Variants in DCTN6 observed in about 807,000 individuals in gnomAD.
DCTN6 encodes the protein dynactin subunit 6, also known as dynactin 6.
A neutral mutation model predicts 25.8 loss-of-function variants in DCTN6; 15 were observed. The ratio of observed to expected loss-of-function variants is 0.58; its 90% CI spans 0.39 to 0.89. DCTN6 has a LOEUF of 0.89. DCTN6 is among the 40% of genes least tolerant of loss of function. The pLI is 0.00. For missense variants in DCTN6, 198 were observed against 237.6 expected (o/e 0.83, Z 1.09); for synonymous variants, 64 against 78.3 (o/e 0.82, Z 0.96).
intron 1 of DCTN6, among the ~76,000 whole-genome samples, chr8:30,158,532 T>C (rs531003981): frequency 9.9e-5 from 15 of 152,250 alleles, no homozygotes; most frequent in African/African-American, 2.9e-4. Context: ...AGGACAGTGA[T>C]GCCCCAGGAA....
chr8:30,159,442 T>C (rs983322204), intron 1 of DCTN6, among the ~76,000 whole-genome samples: 1 of 152,164 alleles, frequency 6.6e-6, no homozygotes, highest in African/African-American at 2.4e-5. Flanking sequence ...TAGGGAATAC[T>C]TGGGGGGAAG....
chr8:30,176,665 T>G (rs1013007291), intron 3 of DCTN6: 6 of 155,930 alleles, frequency 3.8e-5, no homozygotes, highest in African/African-American at 1.4e-4. Context: ...ACAGGATGAA[T>G]GAATCACTTG....
rs184655957 is a variant in DCTN6 at position 30,164,055 on chromosome 8, C to G, written c.24-56C>G. 43 of 1,449,054 alleles carry G rather than the reference C, an allele frequency of 3.0e-5. No individual in the cohort carries two copies. In the Admixed American group the frequency reaches 7.1e-4, roughly 24 times the overall value. The allele number at this position is 1,449,054 out of a possible 1,614,324, so 89.8% of individuals were successfully genotyped here. A position where few individuals can be genotyped will look rare whatever the true frequency, so the allele number is the denominator to read the frequency against. On this transcript the variant is annotated intron_variant, in intron 1 of 6. Transcript: ENST00000221114. ...TTTCATTACAATGTCACGGTAGCTC[C>G]TCCAACAGTATGTTTAATCTTACCC... is the stretch of plus-strand genomic sequence containing the variant.
At position 30,182,971 on chromosome 8, in the gene DCTN6, C is replaced by G. The variant is rs185174634; in HGVS notation, c.475-104C>G. ...TCAAATCATCCTCCTGTCTGGGCCT[C>G]CCAAAGTGCTGAGATTACAGGCATG... On this transcript the variant is annotated intron_variant, in intron 6 of 6. Coordinates refer to ENST00000221114, the MANE Select transcript of DCTN6 (RefSeq NM_006571.4). 2.9e-4 allele frequency: 250 copies of G among 873,422 alleles called. 2 individuals carry two copies. The East Asian group carries it at 4.6e-3, about 16-fold the overall frequency. 54.1% of individuals were successfully genotyped at this position (873,422 alleles called of 1,614,324 possible). A position where few individuals can be genotyped will look rare whatever the true frequency, so the allele number is the denominator to read the frequency against.
At chr8:30,178,235 G>A (rs998556339) in intron 4 of DCTN6, among the ~76,000 whole-genome samples, 16 of 151,944 alleles carry the variant, frequency 1.1e-4, no homozygotes, top group Non-Finnish European at 1.5e-4. Flanking sequence ...AGGCCGAGGC[G>A]GGCAGATCAC....
Position 30,177,176 on chromosome 8 carries a change from T to A in DCTN6, c.245T>A (p.Met82Lys). The change falls in exon 4 of 7, where the codon ATG (methionine) becomes AAG (lysine). Residue 82 changes from methionine to lysine, a missense_variant. Coordinates refer to ENST00000221114, the MANE Select transcript of DCTN6 (RefSeq NM_006571.4). ...ACTGAAGATCCAGAACCAAAACCTATGATCATTGGCACCAATAATGTGTTT... is the reference window on the plus strand; with the variant it reads ...ACTGAAGATCCAGAACCAAAACCTAAGATCATTGGCACCAATAATGTGTTT... Reference protein sequence around the residue: ...PDTEDPEPKPMIIGTNNVFEV... With the variant: ...PDTEDPEPKPKIIGTNNVFEV... 1.2e-6 allele frequency: 2 copies of A among 1,613,862 alleles called. No individual in the cohort carries two copies. Among genetic ancestry groups the A allele is most frequent in the Non-Finnish European group, 1.7e-6 (2 of 1,179,878 alleles).
chr8:30,179,019 G>A (rs1803879811), intron 4 of DCTN6, among the ~76,000 whole-genome samples: 1 of 152,086 alleles, frequency 6.6e-6, no homozygotes, highest in African/African-American at 2.4e-5. Flanking sequence ...AGCTATAAAA[G>A]TTTATACAGT....
At chr8:30,156,534 C>T (rs549519501) in intron 1 of DCTN6, 128 bp downstream of exon 1, 1 of 1,154,152 alleles carries the variant, frequency 8.7e-7, no homozygotes, top group East Asian at 2.6e-5. Flanking sequence ...TACCTGAAGC[C>T]CAGACCTGGC....
chr8:30,174,514 T>C (rs550514215), intron 2 of DCTN6, among the ~76,000 whole-genome samples: 1 of 152,166 alleles, frequency 6.6e-6, no homozygotes, highest in African/African-American at 2.4e-5. Context: ...TTAGTATTTT[T>C]TGGTACAGAT....
At chr8:30,164,754 G>A (rs1378281729) in intron 2 of DCTN6, among the ~76,000 whole-genome samples, 1 of 152,222 alleles carries the variant, frequency 6.6e-6, no homozygotes, top group Non-Finnish European at 1.5e-5. Flanking sequence ...TCGGTTGATT[G>A]TCCAGCATGG....
At chr8:30,175,046 G>A (rs371964137) in intron 2 of DCTN6, 39 bp from the exon 3 acceptor site, 2 of 1,591,144 alleles carry the variant, frequency 1.3e-6, no homozygotes, top group Non-Finnish European at 1.7e-6. Flanking sequence ...TGGAAGCATA[G>A]CCTCCACCAA....
chr8:30,169,939 G>T (rs1803740059), intron 2 of DCTN6, among the ~76,000 whole-genome samples: 1 of 152,192 alleles, frequency 6.6e-6, no homozygotes, highest in African/African-American at 2.4e-5. Context: ...TTGGGAGGCC[G>T]AGTCGAGCGG....
At position 30,183,298 on chromosome 8, in the gene DCTN6, G is replaced by T; in HGVS notation, c.*125G>T. ...ATGTTCACTTTATTTTGTAAAATTG[G>T]GTTGAGAGGAAACTAATGGAGTTTC... On this transcript the variant is annotated 3_prime_UTR_variant, in exon 7 of 7. Transcript: ENST00000221114. 2 of 651,784 alleles carry T rather than the reference G, an allele frequency of 3.1e-6. No homozygotes were observed. The highest frequency in any genetic ancestry group is 1.9e-5 in the African/African-American group (1 of 53,448). The allele number at this position is 651,784 out of a possible 1,614,324, so 40.4% of individuals were successfully genotyped here.
At chr8:30,180,364 T>C in intron 5 of DCTN6, 124 bp from the exon 6 acceptor site, 1 of 1,214,332 alleles carries the variant, frequency 8.2e-7, no homozygotes, top group Non-Finnish European at 1.1e-6. Context: ...TCCAAACTGA[T>C]GTATTTTCTT....
intron 3 of DCTN6, among the ~76,000 whole-genome samples, chr8:30,175,839 G>T (rs1803825805): frequency 1.3e-5 from 2 of 152,126 alleles, no homozygotes. Flanking sequence ...ACCATGTATG[G>T]AATTTGTAAG....
chr8:30,163,437 CAA>C (rs888361214), intron 1 of DCTN6, among the ~76,000 whole-genome samples: 7 of 151,956 alleles, frequency 4.6e-5, no homozygotes, highest in African/African-American at 1.7e-4. Context: ...AAAATCTTGA[CAA>C]GAGATTATTC....
intron 1 of DCTN6, among the ~76,000 whole-genome samples, chr8:30,157,247 G>A (rs1293463079): frequency 1.3e-5 from 2 of 152,196 alleles, no homozygotes; most frequent in African/African-American, 4.8e-5. Context: ...TTCCATCCAT[G>A]TTGTTGCAAA....
chr8:30,180,669 A>G (rs768188050), intron 6 of DCTN6, 39 bp downstream of exon 6: 2 of 1,605,548 alleles, frequency 1.2e-6, no homozygotes, highest in South Asian at 1.1e-5. Flanking sequence ...CTATCTGCTG[A>G]TTTTCCCAAA....
intron 2 of DCTN6, among the ~76,000 whole-genome samples, chr8:30,167,151 AGAAG>A (rs1015636927): frequency 5.3e-5 from 8 of 151,214 alleles, no homozygotes; most frequent in African/African-American, 1.7e-4. Context: ...AAAAATTAGC[AGAAG>A]GAAGGGAGGG....
Sources: allele counts gnomAD v4.1 joint callset (sites outside exome capture counted in the v4.1 genomes callset), GRCh38; gene constraint gnomAD v4.1.1; transcripts MANE v1.5; gene names NCBI Gene and HGNC (gene_info 2026-07-23, HGNC 2026-07-21).